The following PTPRD variants were observed in gnomAD, a reference collection of about 807,000 sequenced individuals.
The protein encoded by PTPRD is receptor-type tyrosine-protein phosphatase delta.
PTPRD carries 34 observed loss-of-function variants against 214.5 expected under a neutral mutation model. The observed-to-expected ratio is 0.16, with a 90% CI of 0.12 to 0.21. The LOEUF (loss-of-function observed/expected upper bound fraction) is 0.21. Among genes scored for constraint, PTPRD ranks in the 10% least tolerant of loss-of-function variants. PTPRD has a pLI of 1.00. For missense variants in PTPRD, 2,545 were observed against 2,398.7 expected (o/e 1.06, Z -1.27); for synonymous variants, 1,128 against 845.7 (o/e 1.33, Z -5.79).
intron 3 of PTPRD, among the ~76,000 whole-genome samples, chr9:10,104,137 T>A (rs191100099): frequency 1.3e-5 from 2 of 151,382 alleles, no homozygotes; most frequent in Non-Finnish European, 3.0e-5. Flanking sequence ...AGACAGAAAG[T>A]GGAATGGTGG....
At chr9:9,913,136 T>C (rs1186895932) in intron 5 of PTPRD, among the ~76,000 whole-genome samples, 1 of 143,556 alleles carries the variant, frequency 7.0e-6, no homozygotes, top group Non-Finnish European at 1.5e-5. Context: ...TAAAAAATAA[T>C]TCCAAATTAC....
intron 2 of PTPRD, among the ~76,000 whole-genome samples, chr9:10,400,014 C>T (rs2098242683): frequency 6.6e-6 from 1 of 151,808 alleles, no homozygotes. Flanking sequence ...AGAAATACTT[C>T]TCTCTCAAAA....
intron 9 of PTPRD, among the ~76,000 whole-genome samples, chr9:9,191,494 T>C (rs1569560623): frequency 6.6e-6 from 1 of 152,122 alleles, no homozygotes; most frequent in African/African-American, 2.4e-5. Flanking sequence ...CTAAGAAAAG[T>C]CTGATTTAAG....
chr9:9,332,567 T>C (rs898565988), intron 9 of PTPRD, among the ~76,000 whole-genome samples: 10 of 110,346 alleles, frequency 9.1e-5, no homozygotes, highest in Non-Finnish European at 1.7e-4. Flanking sequence ...ATTAAGAAAA[T>C]AGAAGTAAGA....
chr9:9,358,629 T>G (rs914019527), intron 9 of PTPRD, among the ~76,000 whole-genome samples: 1 of 151,200 alleles, frequency 6.6e-6, no homozygotes, highest in Non-Finnish European at 1.5e-5. Context: ...GCTCCCATGC[T>G]CCAGAAAACC....
At position 8,650,596 on chromosome 9, in the gene PTPRD, A is replaced by T. The variant is rs140738006; in HGVS notation, c.65-13752T>A. On this transcript the variant is annotated intron_variant, in intron 12 of 45. Coordinates refer to ENST00000381196, the MANE Select transcript of PTPRD (RefSeq NM_002839.4). ...CGGGAAACATAAAAGGCAAAGTAAA[A>T]AATAAAGTTGACTTGCCTATACACC... 1.5e-4 allele frequency among the ~76,000 whole-genome samples: 23 copies of T among 152,214 alleles called. No homozygotes were observed. In the East Asian group the frequency reaches 4.1e-3, roughly 27 times the overall value.
chr9:8,961,753 T>G (rs931224487), intron 11 of PTPRD, among the ~76,000 whole-genome samples: 3 of 152,092 alleles, frequency 2.0e-5, no homozygotes, highest in African/African-American at 7.2e-5. Flanking sequence ...TTTGTCGATG[T>G]AAAGACATCT....
intron 36 of PTPRD, among the ~76,000 whole-genome samples, chr9:8,402,307 C>G (rs965472256): frequency 2.6e-5 from 4 of 151,984 alleles, no homozygotes; most frequent in African/African-American, 7.3e-5. Context: ...AATATAAAAC[C>G]AGCATAGGAA....
At chr9:8,762,412 G>T (rs2094468037) in intron 11 of PTPRD, among the ~76,000 whole-genome samples, 1 of 152,094 alleles carries the variant, frequency 6.6e-6, no homozygotes, top group Non-Finnish European at 1.5e-5. Context: ...TATGTTGATA[G>T]AATACAGATT....
intron 5 of PTPRD, among the ~76,000 whole-genome samples, chr9:9,777,084 CAG>C (rs1376572355): frequency 2.6e-5 from 4 of 152,154 alleles, no homozygotes; most frequent in Admixed American, 6.5e-5. Flanking sequence ...CATTTTGAAA[CAG>C]ATATGCTAGT....
At chr9:8,977,265 C>G (rs981815753) in intron 11 of PTPRD, among the ~76,000 whole-genome samples, 2 of 152,072 alleles carry the variant, frequency 1.3e-5, no homozygotes, top group African/African-American at 4.8e-5. Context: ...CCCACTAAGT[C>G]TTGCCAGATT....
chr9:10,479,418 G>A (rs1047055745), intron 2 of PTPRD, among the ~76,000 whole-genome samples: 1 of 151,980 alleles, frequency 6.6e-6, no homozygotes, highest in African/African-American at 2.4e-5. Flanking sequence ...GTGGGGATGG[G>A]GATAAAGGAA....
At chr9:8,458,978 T>A (rs1489368878) in intron 33 of PTPRD, among the ~76,000 whole-genome samples, 1 of 152,116 alleles carries the variant, frequency 6.6e-6, no homozygotes, top group Non-Finnish European at 1.5e-5. Flanking sequence ...CTTCTTTCAT[T>A]TGTCCTTTAT....
At chr9:10,375,247 T>C (rs955806537) in intron 2 of PTPRD, among the ~76,000 whole-genome samples, 2 of 152,058 alleles carry the variant, frequency 1.3e-5, no homozygotes, top group East Asian at 1.9e-4. Flanking sequence ...CCAAGGTGAT[T>C]TGTATGCTTA....
chr9:10,263,879 CA>C (rs1400367769), intron 3 of PTPRD, among the ~76,000 whole-genome samples: 1 of 152,042 alleles, frequency 6.6e-6, no homozygotes, highest in African/African-American at 2.4e-5. Flanking sequence ...TAGGCCAGGC[CA>C]GGGACCCTCC....
At chr9:9,632,948 C>A (rs1456970620) in intron 7 of PTPRD, among the ~76,000 whole-genome samples, 1 of 152,002 alleles carries the variant, frequency 6.6e-6, no homozygotes, top group African/African-American at 2.4e-5. Context: ...ACAGAGTGCC[C>A]TTGGGAAACA....
At chr9:8,875,878 G>C (rs564506115) in intron 11 of PTPRD, among the ~76,000 whole-genome samples, 11 of 152,212 alleles carry the variant, frequency 7.2e-5, no homozygotes, top group African/African-American at 2.4e-4. Context: ...AGGAAAAACA[G>C]ATCCACTTCT....
rs2131844356 is a variant in PTPRD at position 10,568,732 on chromosome 9, A to T, written c.-600+43666T>A. 1.3e-5 allele frequency among the ~76,000 whole-genome samples: 2 copies of T among 152,290 alleles called. 1 individual carries two copies. The stretch of plus-strand genomic sequence containing the variant: ...CTGGCTAGCCATATGTAGAAAGCTA[A>T]AACTGGATCCCTTCCTTACACTTTA... On this transcript the variant is annotated intron_variant, in intron 2 of 45. Coordinates refer to ENST00000381196, the MANE Select transcript of PTPRD (RefSeq NM_002839.4).
At chr9:9,016,506 A>C (rs1183618684) in intron 11 of PTPRD, among the ~76,000 whole-genome samples, 1 of 152,162 alleles carries the variant, frequency 6.6e-6, no homozygotes, top group East Asian at 1.9e-4. Context: ...AAACCAGCCT[A>C]GTACTGGTTA....
Sources: gnomAD v4.1 joint callset for allele counts (sites outside exome capture counted in the v4.1 genomes callset) on GRCh38, gnomAD v4.1.1 for gene constraint, MANE v1.5 for transcripts, NCBI Gene and HGNC (gene_info 2026-07-23, HGNC 2026-07-21) for gene names.